GALC: variants seen among roughly 807,000 people sequenced by gnomAD.
GALC encodes the protein galactosylceramidase.
A neutral mutation model predicts 91.8 loss-of-function variants in GALC; 77 were observed. The ratio of observed to expected loss-of-function variants is 0.84; its 90% CI spans 0.70 to 1.01. GALC has a LOEUF of 1.01. GALC is among the 50% of genes least tolerant of loss of function. The probability of loss-of-function intolerance (pLI) is 0.00; values close to 1 mark genes in which losing one functional copy is unlikely to be tolerated. For missense variants in GALC, 882 were observed against 855.9 expected (o/e 1.03, Z -0.38); for synonymous variants, 357 against 306.7 (o/e 1.16, Z -1.71).
chr14:87,969,873 G>A (rs1425854354), intron 7 of GALC, among the ~76,000 whole-genome samples: 1 of 152,046 alleles, frequency 6.6e-6, no homozygotes, highest in African/African-American at 2.4e-5. Context: ...AATATATACT[G>A]GAGAACATAA....
intron 9 of GALC, among the ~76,000 whole-genome samples, chr14:87,965,215 T>C (rs982441048): frequency 6.6e-6 from 1 of 152,140 alleles, no homozygotes; most frequent in African/African-American, 2.4e-5. Flanking sequence ...TCATTTGTAA[T>C]TATATCCTTA....
rs1555379355 is a variant in GALC, at chr14:87,947,725, CACCA to C, written c.1488_1489+2del. 6.2e-7 allele frequency: 1 copy of C among 1,612,380 alleles called. No homozygotes were observed. The stretch of plus-strand genomic sequence containing the variant: ...AAGTTAAGTTTTAGTGAAAAATACT[CACCA>C]ACATTGAAATCATCCTTATAGGTAC... On this transcript the variant is annotated splice_donor_variant and coding_sequence_variant, in exon 13 of 17. Transcript: ENST00000261304. LOFTEE classifies it high-confidence loss of function.
chr14:87,967,463 T>C (rs1346482576), intron 8 of GALC, among the ~76,000 whole-genome samples: 1 of 152,140 alleles, frequency 6.6e-6, no homozygotes, highest in Non-Finnish European at 1.5e-5. Context: ...AAAGAACAAA[T>C]ACAATATACA....
At chr14:87,951,940 A>G (rs1252426508) in intron 10 of GALC, among the ~76,000 whole-genome samples, 1 of 151,840 alleles carries the variant, frequency 6.6e-6, no homozygotes, top group African/African-American at 2.4e-5. Context: ...AGCAAATTTT[A>G]AAAGATTACA....
chr14:87,962,338 T>C (rs570097124), intron 10 of GALC, among the ~76,000 whole-genome samples: 1 of 149,396 alleles, frequency 6.7e-6, no homozygotes, highest in Admixed American at 6.6e-5. Context: ...GAGGGCTGCA[T>C]CTTTTTACAC....
intron 15 of GALC, 146 bp downstream of exon 15, chr14:87,941,249 T>C: frequency 1.6e-6 from 1 of 642,894 alleles, no homozygotes; most frequent in Non-Finnish European, 2.7e-6. Flanking sequence ...TGTAAACTAT[T>C]TGGTATTTGC....
intron 8 of GALC, among the ~76,000 whole-genome samples, chr14:87,966,268 AG>A (rs1886049865): frequency 6.6e-6 from 1 of 152,178 alleles, no homozygotes; most frequent in Non-Finnish European, 1.5e-5. Flanking sequence ...TTCATCTATA[AG>A]TAGTAATTGG....
chr14:87,959,300 T>C (rs116150779), intron 10 of GALC, among the ~76,000 whole-genome samples: 9,338 of 152,136 alleles, frequency 0.061, 354 homozygotes, highest in Non-Finnish European at 0.077. Flanking sequence ...AGAATGGCTA[T>C]TACCAAAAAA....
In GALC at chr14:87,993,169, T is replaced by C; in HGVS notation, c.-5A>G. ...CGAGAGTAGCCACTCAGCCATTGTG[T>C]GGGTCACATGACTCCGGCGCCCAGG... is the stretch of plus-strand genomic sequence containing the variant. On this transcript the variant is annotated 5_prime_UTR_variant, in exon 1 of 17. Transcript: ENST00000261304. 3 of 1,587,508 alleles carry C rather than the reference T, an allele frequency of 1.9e-6. No homozygotes were observed. In the South Asian group the frequency reaches 3.4e-5, roughly 18 times the overall value.
chr14:87,934,644 C>T lies in GALC; in HGVS notation c.*88G>A. 2 of 1,605,608 alleles carry T rather than the reference C, an allele frequency of 1.2e-6. No homozygotes were observed. Among genetic ancestry groups the T allele is most frequent in the East Asian group, 2.2e-5 (1 of 44,634 alleles). Reference sequence around the variant, plus strand: ...TTTTTAGTCTCAAAAGCCTCATATACTGTTCCAATGAAACAAGAATTGGCT... The same window carrying T: ...TTTTTAGTCTCAAAAGCCTCATATATTGTTCCAATGAAACAAGAATTGGCT... On this transcript the variant is annotated 3_prime_UTR_variant, in exon 17 of 17. Transcript: ENST00000261304.
intron 13 of GALC, 76 bp downstream of exon 13, chr14:87,947,652 C>A (rs975455177): frequency 7.2e-7 from 1 of 1,395,966 alleles, no homozygotes; most frequent in Non-Finnish European, 1.0e-6. Context: ...CATCATGCAC[C>A]CAGTTTGACA....
chr14:87,954,472 T>A, intron 10 of GALC: 1 of 1,581,552 alleles, frequency 6.3e-7, no homozygotes, highest in Non-Finnish European at 8.7e-7. Flanking sequence ...AATTTAAATA[T>A]CTTTTTGTTC....
chr14:87,934,924 C>T lies in GALC; in HGVS notation c.1912-46G>A, dbSNP rs188467654. 3 of 1,399,064 alleles carry T rather than the reference C, an allele frequency of 2.1e-6. No individual in the cohort carries two copies. In the East Asian group the frequency reaches 6.9e-5, roughly 32 times the overall value. The allele number at this position is 1,399,064 out of a possible 1,614,324, so 86.7% of individuals were successfully genotyped here. ...TTCCTTGAAACCATATGAAAATGGT[C>T]CTCTGAAGTCTGTTTCTTGATCATG... On this transcript the variant is annotated intron_variant, in intron 16 of 16. Transcript: ENST00000261304.
intron 9 of GALC, among the ~76,000 whole-genome samples, chr14:87,964,218 AT>A (rs942486534): frequency 6.6e-6 from 1 of 152,002 alleles, no homozygotes; most frequent in African/African-American, 2.4e-5. Context: ...ATTTTCTTAT[AT>A]TTTTTGGAGG....
At chr14:87,952,942 A>T in intron 10 of GALC, 1 of 884,638 alleles carries the variant, frequency 1.1e-6, no homozygotes, top group Non-Finnish European at 1.9e-6. Context: ...GAACAGCCTA[A>T]ACATCAGTCA....
chr14:87,966,769 G>A (rs1886072518), intron 8 of GALC, among the ~76,000 whole-genome samples: 1 of 152,024 alleles, frequency 6.6e-6, no homozygotes, highest in Non-Finnish European at 1.5e-5. Flanking sequence ...CCATTTCTAA[G>A]AATACAGCCT....
At chr14:87,949,522 G>T (rs1318609123) in intron 12 of GALC, among the ~76,000 whole-genome samples, 1 of 151,990 alleles carries the variant, frequency 6.6e-6, no homozygotes, top group Non-Finnish European at 1.5e-5. Flanking sequence ...ATGAAGAACT[G>T]AAACAAGAAG....
intron 10 of GALC, among the ~76,000 whole-genome samples, chr14:87,956,574 T>TAC (rs1233500068): frequency 3.6e-5 from 5 of 138,226 alleles, no homozygotes; most frequent in African/African-American, 5.2e-5. Flanking sequence ...TATATATATA[T>TAC]ACACACACAC....
intron 10 of GALC, chr14:87,953,383 G>T (rs1052890910): frequency 2.1e-6 from 3 of 1,427,716 alleles, no homozygotes; most frequent in Non-Finnish European, 3.0e-6. Flanking sequence ...TGATTTTACA[G>T]AAGCATATGA....
Sources: gnomAD v4.1 joint callset for allele counts (sites outside exome capture counted in the v4.1 genomes callset) on GRCh38, gnomAD v4.1.1 for gene constraint, MANE v1.5 for transcripts, NCBI Gene and HGNC (gene_info 2026-07-23, HGNC 2026-07-21) for gene names.